RANBP17: variants seen among roughly 807,000 people sequenced by gnomAD.
RANBP17 encodes RAN binding protein 17, also known as ran-binding protein 17.
RANBP17 carries 158 observed loss-of-function variants against 141.2 expected under a neutral mutation model. The observed-to-expected ratio is 1.12, with a 90% CI of 0.98 to 1.28. The LOEUF is 1.28. RANBP17 is among the 50% of genes most tolerant of loss of function. The pLI is 0.00. For missense variants in RANBP17, 1,438 were observed against 1,290.7 expected (o/e 1.11, Z -1.75); for synonymous variants, 430 against 450.0 (o/e 0.96, Z 0.56).
intron 18 of RANBP17, among the ~76,000 whole-genome samples, chr5:171,192,526 A>G (rs1761717742): frequency 6.6e-6 from 1 of 152,076 alleles, no homozygotes; most frequent in Non-Finnish European, 1.5e-5. Flanking sequence ...TTCCCTAGGG[A>G]GAAGAATTAA....
chr5:170,864,403 A>G (rs1282706726), intron 1 of RANBP17, among the ~76,000 whole-genome samples: 3 of 152,208 alleles, frequency 2.0e-5, no homozygotes, highest in Non-Finnish European at 4.4e-5. Context: ...GCCAAAGGCC[A>G]TCAGTGTGCA....
At chr5:171,005,739 C>T (rs977058901) in intron 14 of RANBP17, among the ~76,000 whole-genome samples, 1 of 152,144 alleles carries the variant, frequency 6.6e-6, no homozygotes, top group African/African-American at 2.4e-5. Context: ...CCAGAATTGA[C>T]AAATGGGATC....
intron 14 of RANBP17, among the ~76,000 whole-genome samples, chr5:171,087,494 G>A (rs1023168423): frequency 1.3e-4 from 19 of 151,832 alleles, no homozygotes; most frequent in African/African-American, 4.6e-4. Context: ...TTGGTGCAGA[G>A]CTGAGTTCAA....
At chr5:170,929,104 C>T (rs1773145540) in intron 12 of RANBP17, among the ~76,000 whole-genome samples, 1 of 151,976 alleles carries the variant, frequency 6.6e-6, no homozygotes, top group African/African-American at 2.4e-5. Flanking sequence ...TGTCTTATAA[C>T]TTTGCTTAAT....
At chr5:171,234,888 G>T (rs1268422461) in intron 22 of RANBP17, among the ~76,000 whole-genome samples, 4 of 152,178 alleles carry the variant, frequency 2.6e-5, no homozygotes, top group Non-Finnish European at 5.9e-5. Context: ...ACTCATAGAT[G>T]ATATTTAAAG....
chr5:170,922,905 C>G (rs911077468), intron 11 of RANBP17, among the ~76,000 whole-genome samples: 7 of 152,154 alleles, frequency 4.6e-5, no homozygotes, highest in Non-Finnish European at 8.8e-5. Flanking sequence ...CTGCATTGAT[C>G]TCACTGGGGG....
intron 25 of RANBP17, among the ~76,000 whole-genome samples, chr5:171,285,152 A>G (rs1768090828): frequency 6.6e-6 from 1 of 152,172 alleles, no homozygotes; most frequent in South Asian, 2.1e-4. Flanking sequence ...CCAAATATAT[A>G]CTTCTTCCCA....
At chr5:171,152,437 C>T (rs1011071899) in intron 14 of RANBP17, among the ~76,000 whole-genome samples, 11 of 150,892 alleles carry the variant, frequency 7.3e-5, no homozygotes, top group African/African-American at 2.7e-4. Context: ...AAAAGGGCCC[C>T]AAAAAGATAC....
rs1775635211 is a variant in RANBP17, at chr5:170,955,681, T to TACATACAC, written c.1574+1982_1574+1983insTACACACA. Among the ~76,000 whole-genome samples, 7 of 39,094 alleles carry TACATACAC rather than the reference T, an allele frequency of 1.8e-4. 2 individuals are homozygous for TACATACAC. In the South Asian group the frequency reaches 7.5e-3, roughly 42 times the overall value. 25.6% of individuals were successfully genotyped at this position (39,094 alleles called of 152,430 possible). A position where few individuals can be genotyped will look rare whatever the true frequency, so the allele number is the denominator to read the frequency against. On this transcript the variant is annotated intron_variant, in intron 13 of 27. Coordinates refer to ENST00000523189, the MANE Select transcript of RANBP17 (RefSeq NM_022897.5). ...ATATATATATATATATATATATATA[T>TACATACAC]ACACTGAATGAACTCTGTAGAGGAA...
intron 13 of RANBP17, among the ~76,000 whole-genome samples, chr5:170,961,050 G>T (rs989646002): frequency 6.6e-6 from 1 of 152,080 alleles, no homozygotes; most frequent in African/African-American, 2.4e-5. Context: ...CCGGCCCCCT[G>T]CCCCTTTAGA....
intron 14 of RANBP17, among the ~76,000 whole-genome samples, chr5:171,038,075 G>A (rs975797874): frequency 3.3e-5 from 5 of 151,700 alleles, no homozygotes; most frequent in Middle Eastern, 6.8e-3. Flanking sequence ...TTCTCCATTT[G>A]TTTGTGTCAT....
At position 171,211,188 on chromosome 5, in the gene RANBP17, A is replaced by G. The variant is rs375146784; in HGVS notation, c.2232-2443A>G. Among the ~76,000 whole-genome samples, 196 of 152,022 alleles carry G rather than the reference A, an allele frequency of 1.3e-3. 9 individuals carry two copies. The South Asian group carries it at 0.039, about 30-fold the overall frequency. On this transcript the variant is annotated intron_variant, in intron 20 of 27. Coordinates refer to ENST00000523189, the MANE Select transcript of RANBP17 (RefSeq NM_022897.5). ...CAAGTGGATTGACTTTATTTTTGTT[A>G]TTTTCATCCAACTGAAACCTTATTC... is the stretch of plus-strand genomic sequence containing the variant.
intron 16 of RANBP17, among the ~76,000 whole-genome samples, chr5:171,176,504 A>G (rs775690662): frequency 6.6e-6 from 1 of 152,144 alleles, no homozygotes; most frequent in Non-Finnish European, 1.5e-5. Context: ...TAAAACACAG[A>G]CCCTGCCCTC....
intron 14 of RANBP17, among the ~76,000 whole-genome samples, chr5:171,052,633 G>GT (rs1283643941): frequency 1.3e-5 from 2 of 152,126 alleles, no homozygotes; most frequent in Non-Finnish European, 2.9e-5. Context: ...TAGCTTTGCA[G>GT]TAAGTTGTAA....
chr5:171,166,248 A>G (rs573042675), intron 14 of RANBP17, among the ~76,000 whole-genome samples: 4 of 152,228 alleles, frequency 2.6e-5, no homozygotes, highest in Non-Finnish European at 4.4e-5. Context: ...TATAAAACTC[A>G]TAACCAAAGG....
intron 14 of RANBP17, among the ~76,000 whole-genome samples, chr5:171,023,801 G>A (rs1450599681): frequency 6.6e-6 from 1 of 152,120 alleles, no homozygotes; most frequent in African/African-American, 2.4e-5. Flanking sequence ...TGAAATTTCT[G>A]TACTTTACTT....
chr5:170,867,355 T>C (rs1387091633), intron 1 of RANBP17, among the ~76,000 whole-genome samples: 5 of 152,132 alleles, frequency 3.3e-5, no homozygotes, highest in Non-Finnish European at 7.4e-5. Flanking sequence ...ATACTGAAAA[T>C]ACATACTTCA....
At chr5:171,171,022 T>G (rs1760063294) in intron 15 of RANBP17, among the ~76,000 whole-genome samples, 184 bp from the exon 16 acceptor site, 1 of 152,142 alleles carries the variant, frequency 6.6e-6, no homozygotes, top group Non-Finnish European at 1.5e-5. Context: ...CAATATTCAT[T>G]GCAGATTGCA....
At chr5:170,984,006 G>A (rs1777946229) in intron 14 of RANBP17, among the ~76,000 whole-genome samples, 1 of 152,134 alleles carries the variant, frequency 6.6e-6, no homozygotes, top group East Asian at 1.9e-4. Context: ...AAGGCTTGTG[G>A]TATTCCCAGT....
Sources: allele counts gnomAD v4.1 joint callset (sites outside exome capture counted in the v4.1 genomes callset), GRCh38; gene constraint gnomAD v4.1.1; transcripts MANE v1.5; gene names NCBI Gene and HGNC (gene_info 2026-07-23, HGNC 2026-07-21).